Variants in OTUD7A observed in about 807,000 individuals in gnomAD.
The protein encoded by OTUD7A is OTU deubiquitinase 7A.
A neutral mutation model predicts 65.7 loss-of-function variants in OTUD7A; 12 were observed. The ratio of observed to expected loss-of-function variants is 0.18; its 90% CI spans 0.12 to 0.30. OTUD7A has a LOEUF of 0.30. Ranked by LOEUF, OTUD7A falls within the 10% of genes least tolerant of loss-of-function variation. The pLI is 1.00. For missense variants in OTUD7A, 1,148 were observed against 1,304.8 expected (o/e 0.88, Z 1.85); for synonymous variants, 641 against 586.3 (o/e 1.09, Z -1.35).
intron 1 of OTUD7A, among the ~76,000 whole-genome samples, chr15:31,668,232 A>G (rs535696010): frequency 1.3e-5 from 2 of 152,150 alleles, no homozygotes; most frequent in Admixed American, 1.3e-4. Flanking sequence ...ATTCCCCCCA[A>G]ATATATTTTT....
At chr15:31,756,621 G>A (rs1177205701) in intron 1 of OTUD7A, among the ~76,000 whole-genome samples, 1 of 140,080 alleles carries the variant, frequency 7.1e-6, no homozygotes. Flanking sequence ...AAAACCCAGT[G>A]TACCCAACAC....
chr15:31,814,165 C>G (rs1303079469), intron 1 of OTUD7A, among the ~76,000 whole-genome samples: 2 of 152,242 alleles, frequency 1.3e-5, no homozygotes, highest in African/African-American at 4.8e-5. Flanking sequence ...TCCACAAACC[C>G]TCTTTCTGGG....
intron 1 of OTUD7A, among the ~76,000 whole-genome samples, chr15:31,869,797 C>A (rs539336822): frequency 6.6e-6 from 1 of 152,256 alleles, no homozygotes; most frequent in South Asian, 2.1e-4. Context: ...CGGTTGTGTC[C>A]AATGAAGGAA....
intron 1 of OTUD7A, among the ~76,000 whole-genome samples, chr15:31,693,205 G>C (rs72709331): frequency 3.3e-5 from 5 of 152,084 alleles, no homozygotes; most frequent in African/African-American, 9.7e-5. Flanking sequence ...TTAAATTCAG[G>C]AGAAGTCTGT....
At chr15:31,846,367 C>T (rs765567007) in intron 1 of OTUD7A, among the ~76,000 whole-genome samples, 4 of 152,174 alleles carry the variant, frequency 2.6e-5, no homozygotes, top group African/African-American at 4.8e-5. Flanking sequence ...TACATATAAA[C>T]TCTTTGGGTA....
At chr15:31,780,826 G>A (rs187300384) in intron 1 of OTUD7A, among the ~76,000 whole-genome samples, 3 of 152,274 alleles carry the variant, frequency 2.0e-5, no homozygotes, top group East Asian at 1.9e-4. Context: ...GGCTGGAGAC[G>A]CTAGCCACTG....
chr15:31,669,267 C>T (rs1892414260), intron 1 of OTUD7A, among the ~76,000 whole-genome samples: 1 of 152,172 alleles, frequency 6.6e-6, no homozygotes. Flanking sequence ...GAAGGCCCAT[C>T]AGGTGGGGGC....
chr15:31,659,037 G>A (rs868522917), intron 1 of OTUD7A, among the ~76,000 whole-genome samples: 90 of 118,606 alleles, frequency 7.6e-4, no homozygotes, highest in East Asian at 7.2e-3. Context: ...ATGAATGAAT[G>A]AATGAATAAA....
intron 3 of OTUD7A, among the ~76,000 whole-genome samples, chr15:31,634,905 G>A (rs1891293358): frequency 6.6e-6 from 1 of 152,192 alleles, no homozygotes; most frequent in Non-Finnish European, 1.5e-5. Context: ...CCTCAAGGTT[G>A]GGACCCTGGG....
rs1346239833 is a variant in OTUD7A, at chr15:31,498,453, G to C, written c.1171+3237C>G. On this transcript the variant is annotated intron_variant, in intron 10 of 12. Coordinates refer to ENST00000307050, the MANE Select transcript of OTUD7A (RefSeq NM_001382637.1). The surrounding 1 kb of genome is among the most constrained non-coding windows in gnomAD (Gnocchi z 4.2). Reference sequence around the variant, plus strand: ...GTTTGCTATAAAAGGAGGGGAGTTGGGATTGTTGCACTGGATGATTCCAAA... The same window carrying C: ...GTTTGCTATAAAAGGAGGGGAGTTGCGATTGTTGCACTGGATGATTCCAAA... 6.6e-6 allele frequency among the ~76,000 whole-genome samples: 1 copy of C among 152,092 alleles called. No homozygotes were observed. The highest frequency in any genetic ancestry group is 1.5e-5 in the Non-Finnish European group (1 of 68,020).
At position 31,478,415 on chromosome 15, in the gene OTUD7A, T is replaced by C. The variant is rs991313191; in HGVS notation, c.*4879A>G. The C allele has an allele frequency of 1.8e-4, 27 of 152,260 alleles. No individual in the cohort carries two copies. The highest frequency in any genetic ancestry group is 6.2e-4 in the South Asian group (3 of 4,830). The allele number at this position is 152,260 out of a possible 1,614,324, so 9.4% of individuals were successfully genotyped here. A position where few individuals can be genotyped will look rare whatever the true frequency, so the allele number is the denominator to read the frequency against. ...GATGCAAGCAATGTGCATCATTCTGTATGTACATAATTAGGATTAGTGAGG... is the reference window on the plus strand; with the variant it reads ...GATGCAAGCAATGTGCATCATTCTGCATGTACATAATTAGGATTAGTGAGG... On this transcript the variant is annotated 3_prime_UTR_variant, in exon 13 of 13. Transcript: ENST00000307050.
intron 1 of OTUD7A, chr15:31,765,596 T>C: frequency 1.8e-6 from 1 of 555,320 alleles, no homozygotes; most frequent in Non-Finnish European, 3.1e-6. Flanking sequence ...AGTCTCACAT[T>C]GATAAACATC....
At chr15:31,538,613 T>G (rs1887882532) in intron 5 of OTUD7A, among the ~76,000 whole-genome samples, 1 of 152,164 alleles carries the variant, frequency 6.6e-6, no homozygotes, top group Non-Finnish European at 1.5e-5. Flanking sequence ...TTGTTATGGT[T>G]GAGTTTGTGG....
intron 10 of OTUD7A, among the ~76,000 whole-genome samples, chr15:31,494,545 A>G (rs1000682461): frequency 5.3e-5 from 8 of 152,248 alleles, no homozygotes; most frequent in African/African-American, 1.9e-4. Context: ...GACCAGAATT[A>G]AGGAAACTGT....
At chr15:31,708,336 C>T (rs1249253476) in intron 1 of OTUD7A, among the ~76,000 whole-genome samples, 1 of 151,666 alleles carries the variant, frequency 6.6e-6, no homozygotes, top group East Asian at 1.9e-4. Flanking sequence ...TGCACATGCC[C>T]TTTGCATCAC....
At chr15:31,770,748 T>C (rs1250957443) in intron 1 of OTUD7A, among the ~76,000 whole-genome samples, 2 of 152,224 alleles carry the variant, frequency 1.3e-5, no homozygotes, top group Non-Finnish European at 2.9e-5. Context: ...AAGGTTGGTT[T>C]ATCATTAGAA....
At chr15:31,645,992 T>C (rs1223826943) in intron 3 of OTUD7A, among the ~76,000 whole-genome samples, 1 of 152,240 alleles carries the variant, frequency 6.6e-6, no homozygotes, top group African/African-American at 2.4e-5. Context: ...GTTCTTAATA[T>C]GCAGCAGCCT....
intron 1 of OTUD7A, among the ~76,000 whole-genome samples, chr15:31,682,584 A>G (rs1892743579): frequency 6.6e-6 from 1 of 152,260 alleles, no homozygotes; most frequent in Admixed American, 6.5e-5. Flanking sequence ...ACAAAGGCAC[A>G]AAGACAATCC....
intron 1 of OTUD7A, among the ~76,000 whole-genome samples, chr15:31,864,663 G>A (rs150762846): frequency 6.6e-6 from 1 of 151,896 alleles, no homozygotes; most frequent in Non-Finnish European, 1.5e-5. Flanking sequence ...TTTGGGTGGG[G>A]ATACAGCCAA....
Sources: allele counts gnomAD v4.1 joint callset (sites outside exome capture counted in the v4.1 genomes callset), GRCh38; gene constraint gnomAD v4.1.1; non-coding constraint Gnocchi (gnomAD v3.1); transcripts MANE v1.5; gene names NCBI Gene and HGNC (gene_info 2026-07-23, HGNC 2026-07-21).